Variants in NAA25 observed in about 807,000 individuals in gnomAD.
NAA25 encodes the protein N-alpha-acetyltransferase 25, NatB auxiliary subunit, also known as N-terminal acetyltransferase B complex subunit NAA25.
A neutral mutation model predicts 132.5 loss-of-function variants in NAA25; 30 were observed. That is an observed-to-expected ratio of 0.23 (90% CI 0.17 to 0.31). The LOEUF is 0.31. Among genes scored for constraint, NAA25 ranks in the 10% least tolerant of loss-of-function variants. The pLI is 1.00. For synonymous variants in NAA25, 359 were observed against 401.9 expected, an observed-to-expected ratio of 0.89 and a Z score of 1.28; for missense variants, 771 against 1,150.4, an observed-to-expected ratio of 0.67 and a Z score of 4.77.
At chr12:112,058,179 A>G (rs1257835722) in intron 13 of NAA25, among the ~76,000 whole-genome samples, 3 of 152,074 alleles carry the variant, frequency 2.0e-5, no homozygotes, top group Non-Finnish European at 4.4e-5. Flanking sequence ...ACACTACCAT[A>G]TGGTTACATA....
rs145514379 is a variant in NAA25, at chr12:112,069,068, A to G, written c.1037-76T>C. Reference sequence around the variant, plus strand: ...TCTATTTAAGTGAGAATTAATTTGAAAACATTCATTTCAATTAAAACAAAA... The same window carrying G: ...TCTATTTAAGTGAGAATTAATTTGAGAACATTCATTTCAATTAAAACAAAA... On this transcript the variant is annotated intron_variant, in intron 10 of 23. Coordinates refer to ENST00000261745, the MANE Select transcript of NAA25 (RefSeq NM_024953.4). 5.7e-4 allele frequency: 495 copies of G among 875,832 alleles called. 6 individuals carry two copies. In the African/African-American group the frequency reaches 7.1e-3, roughly 13 times the overall value. 54.3% of individuals were successfully genotyped at this position (875,832 alleles called of 1,614,324 possible).
chr12:112,103,230 A>G (rs1329233562), intron 1 of NAA25, among the ~76,000 whole-genome samples: 1 of 151,986 alleles, frequency 6.6e-6, no homozygotes, highest in Non-Finnish European at 1.5e-5. Context: ...CAAGCAACCC[A>G]CCCACCTCGG....
intron 15 of NAA25, among the ~76,000 whole-genome samples, chr12:112,052,504 C>T (rs942964203): frequency 2.0e-5 from 3 of 152,198 alleles, no homozygotes; most frequent in African/African-American, 7.2e-5. Context: ...TTTCCACCTG[C>T]TTAGAGCTGT....
chr12:112,102,329 C>T (rs2079306743), intron 1 of NAA25, among the ~76,000 whole-genome samples: 1 of 151,986 alleles, frequency 6.6e-6, no homozygotes, highest in African/African-American at 2.4e-5. Flanking sequence ...GCCATGTTCA[C>T]ATCACTGCAC....
At chr12:112,091,230 G>T (rs1378703719) in intron 2 of NAA25, among the ~76,000 whole-genome samples, 2 of 151,166 alleles carry the variant, frequency 1.3e-5, no homozygotes, top group East Asian at 3.9e-4. Context: ...GGTGACAGAA[G>T]GAGATCCTGT....
At chr12:112,071,000 G>A (rs2078798091) in intron 10 of NAA25, among the ~76,000 whole-genome samples, 1 of 152,204 alleles carries the variant, frequency 6.6e-6, no homozygotes, top group Admixed American at 6.5e-5. Context: ...GCCCGCCTTG[G>A]CCTCCCAAAG....
chr12:112,082,851 G>C (rs2078993349), intron 4 of NAA25, among the ~76,000 whole-genome samples: 1 of 151,732 alleles, frequency 6.6e-6, no homozygotes, highest in Admixed American at 6.6e-5. Flanking sequence ...GAGGTGAATG[G>C]GTAAATGTAT....
At chr12:112,032,365 CA>C (rs2078162018) in intron 23 of NAA25, among the ~76,000 whole-genome samples, 1 of 152,122 alleles carries the variant, frequency 6.6e-6, no homozygotes, top group African/African-American at 2.4e-5. Flanking sequence ...TTAAGCTTTA[CA>C]AAAGAGGGGC....
At chr12:112,106,563 G>T (rs1213692153) in intron 1 of NAA25, among the ~76,000 whole-genome samples, 2 of 152,182 alleles carry the variant, frequency 1.3e-5, no homozygotes, top group East Asian at 3.9e-4. Context: ...CGGGGAAATA[G>T]GAAATCAGAG....
chr12:112,078,726 C>G lies in NAA25; in HGVS notation c.493G>C (p.Asp165His). The change falls in exon 6 of 24, where the codon GAT (aspartate) becomes CAT (histidine). Residue 165 changes from aspartate (D) to histidine (H), a missense_variant. This residue lies in a region of NAA25 where 417 missense variants were observed against 733.8 expected (regional missense o/e 0.57). Coordinates refer to ENST00000261745, the MANE Select transcript of NAA25 (RefSeq NM_024953.4). ...AACATTGTTTTTGAGAGGTTTTCAT[C>G]CTGTGCCGATATAGACTGAAAGAAG... ...SLIMQSISAQDENLSKTMFLP... is the reference protein window; with the variant it reads ...SLIMQSISAQHENLSKTMFLP... 1 of 1,613,478 alleles carries G rather than the reference C, an allele frequency of 6.2e-7. No individual in the cohort carries two copies. Among genetic ancestry groups the G allele is most frequent in the Non-Finnish European group, 8.5e-7 (1 of 1,179,628 alleles).
intron 7 of NAA25, 54 bp from the exon 8 acceptor site, chr12:112,075,843 C>A (rs552560638): frequency 2.5e-5 from 35 of 1,407,122 alleles, no homozygotes; most frequent in Non-Finnish European, 1.8e-5. Context: ...TGCTCAATAA[C>A]CAGAATAGAG....
chr12:112,089,536 T>C (rs1056615187), intron 3 of NAA25, among the ~76,000 whole-genome samples: 4 of 152,158 alleles, frequency 2.6e-5, no homozygotes, highest in African/African-American at 9.7e-5. Flanking sequence ...ATGCAAGTCA[T>C]AGAATATACA....
At chr12:112,105,086 A>G (rs2079343039) in intron 1 of NAA25, among the ~76,000 whole-genome samples, 1 of 151,814 alleles carries the variant, frequency 6.6e-6, no homozygotes, top group South Asian at 2.1e-4. Context: ...TTGGGAGGCC[A>G]AGGCAGGCAG....
intron 13 of NAA25, among the ~76,000 whole-genome samples, chr12:112,059,108 A>C (rs1414847859): frequency 7.3e-5 from 7 of 96,254 alleles, no homozygotes; most frequent in African/African-American, 1.1e-4. Flanking sequence ...AAAAAAAAAA[A>C]AAAAAAAAAA....
chr12:112,095,607 AAAAC>A (rs1369831919), intron 1 of NAA25, among the ~76,000 whole-genome samples: 1 of 151,214 alleles, frequency 6.6e-6, no homozygotes, highest in Non-Finnish European at 1.5e-5. Context: ...AAAAAAAACA[AAAAC>A]AAACAAACAA....
chr12:112,103,032 G>C (rs2079316757), intron 1 of NAA25, among the ~76,000 whole-genome samples: 1 of 151,718 alleles, frequency 6.6e-6, no homozygotes, highest in African/African-American at 2.4e-5. Flanking sequence ...TGTCCCCCAG[G>C]CTGGAGTACA....
chr12:112,096,504 T>C (rs2079214757), intron 1 of NAA25, among the ~76,000 whole-genome samples: 2 of 152,208 alleles, frequency 1.3e-5, no homozygotes, highest in Non-Finnish European at 2.9e-5. Flanking sequence ...ATGCACTTAA[T>C]ATTGATGAGC....
chr12:112,037,023 C>T (rs1029287986), intron 22 of NAA25, among the ~76,000 whole-genome samples: 2 of 151,628 alleles, frequency 1.3e-5, no homozygotes, highest in Non-Finnish European at 2.9e-5. Context: ...AGAAAGGAAC[C>T]AGTGCTCTTG....
At chr12:112,069,533 A>G (rs891621680) in intron 10 of NAA25, among the ~76,000 whole-genome samples, 13 of 152,142 alleles carry the variant, frequency 8.5e-5, no homozygotes, top group Non-Finnish European at 1.5e-4. Context: ...TAAAGATTAT[A>G]AAATAGGCTG....
Sources: allele counts gnomAD v4.1 joint callset (sites outside exome capture counted in the v4.1 genomes callset), GRCh38; gene constraint gnomAD v4.1.1; regional missense constraint gnomAD v4.1.1; transcripts MANE v1.5; gene names NCBI Gene and HGNC (gene_info 2026-07-23, HGNC 2026-07-21).